Variants in CYP7B1 observed in about 807,000 individuals in gnomAD.
The protein encoded by CYP7B1 is cytochrome P450 family 7 subfamily B member 1.
A neutral mutation model predicts 42.7 loss-of-function variants in CYP7B1; 29 were observed. The observed-to-expected ratio is 0.68, with a 90% CI of 0.51 to 0.93. CYP7B1 has a LOEUF of 0.93. Ranked by LOEUF, CYP7B1 falls within the 40% of genes least tolerant of loss-of-function variation. The pLI, the probability that CYP7B1 is intolerant of heterozygous loss-of-function variation, is 0.00. For synonymous variants in CYP7B1, 235 were observed against 218.2 expected, an observed-to-expected ratio of 1.08 and a Z score of -0.68; for missense variants, 655 against 600.5, an observed-to-expected ratio of 1.09 and a Z score of -0.95.
At chr8:64,710,601 C>T (rs1807065959) in intron 1 of CYP7B1, among the ~76,000 whole-genome samples, 1 of 152,126 alleles carries the variant, frequency 6.6e-6, no homozygotes, top group Non-Finnish European at 1.5e-5. Context: ...CTGCTAACAT[C>T]TCAGTTAGGA....
intron 1 of CYP7B1, among the ~76,000 whole-genome samples, chr8:64,654,429 A>T (rs1806089255): frequency 6.6e-6 from 1 of 152,200 alleles, no homozygotes; most frequent in Non-Finnish European, 1.5e-5. Flanking sequence ...CAATTTCCAC[A>T]AAAAGAATGC....
intron 1 of CYP7B1, among the ~76,000 whole-genome samples, chr8:64,736,875 T>C (rs1807496739): frequency 6.6e-6 from 1 of 152,218 alleles, no homozygotes; most frequent in Admixed American, 6.5e-5. Flanking sequence ...ATAACAGATA[T>C]GTTATTTTAA....
At chr8:64,789,962 A>C (rs541217394) in intron 1 of CYP7B1, among the ~76,000 whole-genome samples, 4 of 152,346 alleles carry the variant, frequency 2.6e-5, no homozygotes, top group Non-Finnish European at 5.9e-5. Context: ...TATCTCAGAG[A>C]GAATCCTTCC....
intron 1 of CYP7B1, among the ~76,000 whole-genome samples, chr8:64,794,551 T>C (rs1804675334): frequency 1.3e-5 from 2 of 152,198 alleles, no homozygotes. Flanking sequence ...GCCATCTTCT[T>C]GCTGTGTCCT....
chr8:64,621,935 A>G lies in CYP7B1; in HGVS notation c.259+2468T>C, dbSNP rs541177328. 2.5e-3 allele frequency among the ~76,000 whole-genome samples: 373 copies of G among 150,520 alleles called. 1 individual carries two copies. The highest frequency in any genetic ancestry group is 0.014 in the Middle Eastern group (4 of 294). ...ATTTTTTTTTTTTTTAGTAGAGATG[A>G]GGTTTCACCATGCTGGCCAGGATGG... On this transcript the variant is annotated intron_variant, in intron 2 of 5. Transcript: ENST00000310193.
intron 1 of CYP7B1, among the ~76,000 whole-genome samples, chr8:64,669,244 T>C (rs912097927): frequency 3.9e-5 from 6 of 152,144 alleles, no homozygotes; most frequent in African/African-American, 1.4e-4. Flanking sequence ...ATTAGCACTT[T>C]TCAGCTCTTA....
At chr8:64,677,705 G>GTT (rs1444215526) in intron 1 of CYP7B1, among the ~76,000 whole-genome samples, 4 of 97,498 alleles carry the variant, frequency 4.1e-5, no homozygotes, top group African/African-American at 1.8e-4. Context: ...CACACTCCTT[G>GTT]GTTTTTTTTT....
chr8:64,700,663 T>C (rs924650847), intron 1 of CYP7B1, among the ~76,000 whole-genome samples: 1 of 152,126 alleles, frequency 6.6e-6, no homozygotes, highest in African/African-American at 2.4e-5. Context: ...CTCATTTACA[T>C]TGATAGCAAG....
intron 4 of CYP7B1, among the ~76,000 whole-genome samples, chr8:64,609,887 T>C: frequency 6.6e-6 from 1 of 152,142 alleles, no homozygotes; most frequent in East Asian, 1.9e-4. Context: ...GTTAGAGGCT[T>C]TGAATCTTGG....
At chr8:64,733,268 T>C (rs1807440572) in intron 1 of CYP7B1, among the ~76,000 whole-genome samples, 2 of 152,138 alleles carry the variant, frequency 1.3e-5, no homozygotes, top group Non-Finnish European at 2.9e-5. Context: ...CCCTACTATA[T>C]TGAAGGATGA....
chr8:64,734,362 G>A lies in CYP7B1; in HGVS notation c.122+64104C>T, dbSNP rs549235138. On this transcript the variant is annotated intron_variant, in intron 1 of 5. Transcript: ENST00000310193. ...TTCTCACAGTTCTAGAAGCTGGAAA[G>A]TCCAAAATCAAGGTGACAGCAGGTT... The A allele has an allele frequency of 5.3e-5, 8 of 152,328 alleles. No individual in the cohort carries two copies. The South Asian group carries it at 1.7e-3, about 32-fold the overall frequency. 9.4% of individuals were successfully genotyped at this position (152,328 alleles called of 1,614,324 possible). A position where few individuals can be genotyped will look rare whatever the true frequency, so the allele number is the denominator to read the frequency against.
At chr8:64,615,344 T>A in intron 3 of CYP7B1, 112 bp from the exon 4 acceptor site, 1 of 1,111,802 alleles carries the variant, frequency 9.0e-7, no homozygotes, top group East Asian at 2.6e-5. Flanking sequence ...GATCAGTGCA[T>A]GCTAATGAGA....
At chr8:64,766,297 G>C (rs1216644698) in intron 1 of CYP7B1, among the ~76,000 whole-genome samples, 4 of 152,136 alleles carry the variant, frequency 2.6e-5, no homozygotes, top group African/African-American at 7.2e-5. Flanking sequence ...AGAGACAAAG[G>C]GAGGCATTGA....
At chr8:64,659,837 C>T (rs1031402691) in intron 1 of CYP7B1, among the ~76,000 whole-genome samples, 5 of 151,980 alleles carry the variant, frequency 3.3e-5, no homozygotes, top group Non-Finnish European at 5.9e-5. Flanking sequence ...CAATAGGCAA[C>T]AAAAAATACC....
intron 1 of CYP7B1, among the ~76,000 whole-genome samples, chr8:64,692,505 G>T (rs1381805048): frequency 6.6e-6 from 1 of 152,214 alleles, no homozygotes; most frequent in Non-Finnish European, 1.5e-5. Context: ...ATTTCTCAGT[G>T]TGTCTTAGAG....
At chr8:64,733,428 G>A (rs2129633128) in intron 1 of CYP7B1, among the ~76,000 whole-genome samples, 1 of 152,232 alleles carries the variant, frequency 6.6e-6, no homozygotes, top group East Asian at 1.9e-4. Flanking sequence ...ACCATCTGAG[G>A]ACCAACTAGT....
intron 1 of CYP7B1, among the ~76,000 whole-genome samples, chr8:64,707,108 T>C (rs1487170027): frequency 1.3e-5 from 2 of 152,086 alleles, no homozygotes; most frequent in Non-Finnish European, 2.9e-5. Context: ...TTGTGCAACA[T>C]ATGCGTATGC....
intron 1 of CYP7B1, among the ~76,000 whole-genome samples, chr8:64,736,785 T>G (rs1807494935): frequency 6.6e-6 from 1 of 152,096 alleles, no homozygotes; most frequent in Admixed American, 6.6e-5. Flanking sequence ...TTCAAAAATT[T>G]TATTTTCTTG....
At chr8:64,629,214 G>A (rs937205284) in intron 1 of CYP7B1, among the ~76,000 whole-genome samples, 4 of 116,748 alleles carry the variant, frequency 3.4e-5, no homozygotes, top group Non-Finnish European at 6.7e-5. Flanking sequence ...GTGACAGTGT[G>A]AGAATCCATC....
Sources: gnomAD v4.1 joint callset for allele counts (sites outside exome capture counted in the v4.1 genomes callset) on GRCh38, gnomAD v4.1.1 for gene constraint, MANE v1.5 for transcripts, NCBI Gene and HGNC (gene_info 2026-07-23, HGNC 2026-07-21) for gene names.